DPP10: variants seen among roughly 807,000 people sequenced by gnomAD.
DPP10 encodes dipeptidyl peptidase like 10, also known as inactive dipeptidyl peptidase 10.
DPP10 carries 33 observed loss-of-function variants against 120.9 expected under a neutral mutation model. That is an observed-to-expected ratio of 0.27 (90% CI 0.21 to 0.37). DPP10 has a LOEUF of 0.37. Ranked by LOEUF, DPP10 falls within the 10% of genes least tolerant of loss-of-function variation. The pLI is 1.00. For missense variants in DPP10, 816 were observed against 942.8 expected (o/e 0.87, Z 1.76); for synonymous variants, 337 against 326.1 (o/e 1.03, Z -0.36).
At chr2:115,663,511 G>T (rs1318148834) in intron 5 of DPP10, among the ~76,000 whole-genome samples, 2 of 152,072 alleles carry the variant, frequency 1.3e-5, no homozygotes, top group Non-Finnish European at 2.9e-5. Flanking sequence ...TTCCTTCTGG[G>T]CACTTATGTC....
chr2:114,995,827 C>T (rs961729191), intron 1 of DPP10, among the ~76,000 whole-genome samples: 5 of 152,148 alleles, frequency 3.3e-5, no homozygotes, highest in African/African-American at 1.2e-4. Flanking sequence ...TAAGTAATCT[C>T]TCCTTTTCAT....
chr2:115,183,280 G>GA (rs928722451), intron 1 of DPP10, among the ~76,000 whole-genome samples: 19 of 149,038 alleles, frequency 1.3e-4, no homozygotes, highest in Middle Eastern at 3.4e-3. Context: ...AAATTTTGTG[G>GA]AAAAAAAAAA....
At chr2:115,819,035 T>G (rs2150052653) in intron 21 of DPP10, among the ~76,000 whole-genome samples, 1 of 152,328 alleles carries the variant, frequency 6.6e-6, no homozygotes, top group South Asian at 2.1e-4. Flanking sequence ...GCGATTCTTT[T>G]TTCTTGAAAT....
chr2:115,359,622 T>C (rs1279386719), intron 3 of DPP10, among the ~76,000 whole-genome samples: 1 of 152,146 alleles, frequency 6.6e-6, no homozygotes, highest in African/African-American at 2.4e-5. Flanking sequence ...TTATATCTCA[T>C]AGGGGCTCAA....
At chr2:114,822,342 G>A (rs1343515728) in intron 1 of DPP10, among the ~76,000 whole-genome samples, 1 of 152,182 alleles carries the variant, frequency 6.6e-6, no homozygotes, top group African/African-American at 2.4e-5. Context: ...GAGCGACCGA[G>A]ACACAGGACA....
intron 5 of DPP10, among the ~76,000 whole-genome samples, chr2:115,672,877 G>A (rs1042465921): frequency 6.6e-6 from 1 of 151,590 alleles, no homozygotes; most frequent in Non-Finnish European, 1.5e-5. Flanking sequence ...CTCCTGAGTA[G>A]CTGGGACTAC....
rs1325125042 is a variant in DPP10, at chr2:115,469,897, AAAG to A, written c.272-29610_272-29608del. 4.0e-4 allele frequency among the ~76,000 whole-genome samples: 59 copies of A among 148,708 alleles called. 4 individuals are homozygous for A. The highest frequency in any genetic ancestry group is 1.6e-3 in the East Asian group (8 of 5,080). The stretch of plus-strand genomic sequence containing the variant: ...TGGGCAACAAGAGAAAAAAAAAAAA[AAAG>A]AAAAAAAAAAACTAGTTTCTTTAAA... On this transcript the variant is annotated intron_variant, in intron 3 of 25. Coordinates refer to ENST00000410059, the MANE Select transcript of DPP10 (RefSeq NM_020868.6).
At chr2:115,182,566 G>C (rs754448479) in intron 1 of DPP10, among the ~76,000 whole-genome samples, 12 of 152,190 alleles carry the variant, frequency 7.9e-5, no homozygotes, top group Non-Finnish European at 1.8e-4. Flanking sequence ...AACAGTGCAT[G>C]AAAGTATCCT....
At chr2:115,220,178 A>C (rs1172793565) in intron 1 of DPP10, among the ~76,000 whole-genome samples, 1 of 152,090 alleles carries the variant, frequency 6.6e-6, no homozygotes, top group Non-Finnish European at 1.5e-5. Context: ...GTTCCAAACC[A>C]GATTATCTAC....
intron 7 of DPP10, among the ~76,000 whole-genome samples, chr2:115,718,996 C>T (rs988832957): frequency 5.9e-5 from 9 of 151,870 alleles, no homozygotes; most frequent in African/African-American, 2.2e-4. Context: ...CTGTGGGTTC[C>T]AGTTTATTTC....
At chr2:115,271,009 C>G (rs1417512115) in intron 1 of DPP10, among the ~76,000 whole-genome samples, 1 of 151,968 alleles carries the variant, frequency 6.6e-6, no homozygotes, top group African/African-American at 2.4e-5. Flanking sequence ...TATTTGTGAC[C>G]AGTACCTTCA....
chr2:115,801,023 G>A (rs1685167123), intron 19 of DPP10, among the ~76,000 whole-genome samples: 1 of 152,136 alleles, frequency 6.6e-6, no homozygotes, highest in Non-Finnish European at 1.5e-5. Flanking sequence ...AATTACCTTG[G>A]GCAGTATGGC....
At chr2:114,508,800 A>G (rs1264489316) in intron 1 of DPP10, among the ~76,000 whole-genome samples, 1 of 152,098 alleles carries the variant, frequency 6.6e-6, no homozygotes. Context: ...TCCCCATCTC[A>G]TCACTGGTTC....
At chr2:115,300,716 C>G (rs1243093677) in intron 1 of DPP10, among the ~76,000 whole-genome samples, 1 of 152,014 alleles carries the variant, frequency 6.6e-6, no homozygotes, top group African/African-American at 2.4e-5. Context: ...TCTCAGTTTT[C>G]TCATGTACCA....
chr2:115,650,018 A>C (rs1471635585), intron 5 of DPP10, among the ~76,000 whole-genome samples: 2 of 150,780 alleles, frequency 1.3e-5, no homozygotes, highest in African/African-American at 4.9e-5. Flanking sequence ...ATTTGTTGGC[A>C]AAAAAAAAGA....
At chr2:114,697,226 C>T (rs528831366) in intron 1 of DPP10, among the ~76,000 whole-genome samples, 1 of 152,066 alleles carries the variant, frequency 6.6e-6, no homozygotes, top group Admixed American at 6.6e-5. Context: ...AATTTTCTGC[C>T]TGGGTTAAAA....
At chr2:114,520,017 G>T (rs1382736104) in intron 1 of DPP10, among the ~76,000 whole-genome samples, 1 of 152,112 alleles carries the variant, frequency 6.6e-6, no homozygotes, top group African/African-American at 2.4e-5. Flanking sequence ...CAAGAAAAAA[G>T]AAAATTCTAC....
intron 3 of DPP10, among the ~76,000 whole-genome samples, chr2:115,358,619 T>G (rs570055785): frequency 7.9e-5 from 12 of 152,294 alleles, no homozygotes; most frequent in East Asian, 7.7e-4. Context: ...TGCTTCCACA[T>G]TTTGGGTATC....
intron 1 of DPP10, among the ~76,000 whole-genome samples, chr2:114,449,078 T>C (rs1678107227): frequency 6.6e-6 from 1 of 152,174 alleles, no homozygotes; most frequent in Non-Finnish European, 1.5e-5. Flanking sequence ...CATCTGGTAA[T>C]CAACACATTT....
Sources: gnomAD v4.1 joint callset for allele counts (sites outside exome capture counted in the v4.1 genomes callset) on GRCh38, gnomAD v4.1.1 for gene constraint, MANE v1.5 for transcripts, NCBI Gene and HGNC (gene_info 2026-07-23, HGNC 2026-07-21) for gene names.